The following PPEF1 variants were observed in gnomAD, a reference collection of about 807,000 sequenced individuals.
The protein encoded by PPEF1 is serine/threonine-protein phosphatase with EF-hands 1.
A neutral mutation model predicts 53.3 loss-of-function variants in PPEF1; 12 were observed. The observed-to-expected ratio is 0.23, with a 90% CI of 0.14 to 0.36. The LOEUF (loss-of-function observed/expected upper bound fraction) is 0.36, where lower values mean the gene tolerates loss of function less well. PPEF1 is among the 10% of genes least tolerant of loss of function. The pLI is 1.00. For synonymous variants in PPEF1, 165 were observed against 176.7 expected (o/e 0.93, Z 0.52); for missense variants, 334 against 490.4 (o/e 0.68, Z 3.01).
At chrX:18,712,679 G>A (rs996387749) in intron 1 of PPEF1, among the ~76,000 whole-genome samples, 1 of 111,861 alleles carries the variant, frequency 8.9e-6, no homozygotes, top group Non-Finnish European at 1.9e-5. Flanking sequence ...AGCCATCCTT[G>A]TCTTGTTCCT....
chrX:18,773,334 T>TTAATCTTAAACTC (rs2045904072), intron 6 of PPEF1, among the ~76,000 whole-genome samples: 1 of 112,191 alleles, frequency 8.9e-6, no homozygotes, highest in Admixed American at 9.5e-5. Context: ...GTTTAGTACT[T>TTAATCTTAAACTC]TAATCTTAAA....
At chrX:18,788,065 C>T (rs1049890738) in intron 9 of PPEF1, among the ~76,000 whole-genome samples, 3 of 111,654 alleles carry the variant, frequency 2.7e-5, no homozygotes, top group Non-Finnish European at 5.7e-5. Context: ...GCCTGTAATC[C>T]GAGCACTTTG....
At chrX:18,824,549 T>A (rs1383221136) in intron 14 of PPEF1, among the ~76,000 whole-genome samples, 1 of 111,741 alleles carries the variant, frequency 8.9e-6, no homozygotes, top group Non-Finnish European at 1.9e-5. Flanking sequence ...CAAATTTGTG[T>A]GTTCCCAGGA....
chrX:18,727,240 C>T (rs1467119639), intron 1 of PPEF1, among the ~76,000 whole-genome samples: 3 of 111,145 alleles, frequency 2.7e-5, no homozygotes, highest in Non-Finnish European at 5.7e-5. Flanking sequence ...ATGCATGGTC[C>T]TTTGTAAGTG....
At chrX:18,806,878 G>A in intron 12 of PPEF1, among the ~76,000 whole-genome samples, 1 of 112,041 alleles carries the variant, frequency 8.9e-6, no homozygotes, top group East Asian at 2.8e-4. Flanking sequence ...ATCTGGTCTT[G>A]CCCCTTTCTC....
intron 10 of PPEF1, among the ~76,000 whole-genome samples, chrX:18,793,174 A>G (rs1393725708): frequency 9.2e-6 from 1 of 109,202 alleles, no homozygotes; most frequent in Non-Finnish European, 1.9e-5. Flanking sequence ...CCCTTTAAGT[A>G]CTGCTTTAGC....
intron 3 of PPEF1, among the ~76,000 whole-genome samples, chrX:18,746,853 A>G (rs1019508501): frequency 1.1e-4 from 12 of 112,163 alleles, no homozygotes; most frequent in African/African-American, 3.9e-4. Flanking sequence ...CATCTCTGCT[A>G]CTTACATGCT....
At chrX:18,726,048 T>C (rs957636185) in intron 1 of PPEF1, among the ~76,000 whole-genome samples, 2 of 110,832 alleles carry the variant, frequency 1.8e-5, no homozygotes, top group Non-Finnish European at 3.8e-5. Flanking sequence ...GCCAGCCACT[T>C]AGTAGGCATT....
chrX:18,704,692 A>G, upstream of PPEF1, among the ~76,000 whole-genome samples: 1 of 112,129 alleles, frequency 8.9e-6, no homozygotes, highest in African/African-American at 3.2e-5. Context: ...GGTTTTCTAA[A>G]ATACCGTCTC....
chrX:18,773,163 C>T (rs2045901223), intron 6 of PPEF1, among the ~76,000 whole-genome samples: 1 of 112,353 alleles, frequency 8.9e-6, no homozygotes, highest in African/African-American at 3.2e-5. Context: ...AGCAGTAATT[C>T]AATCTGAATA....
At chrX:18,743,500 A>G (rs1188530168) in intron 3 of PPEF1, among the ~76,000 whole-genome samples, 3 of 83,870 alleles carry the variant, frequency 3.6e-5, no homozygotes, top group Non-Finnish European at 6.4e-5. Context: ...CCCAGGCTGG[A>G]GTGCAGTAGC....
chrX:18,808,699 A>G (rs1487592420), intron 12 of PPEF1, among the ~76,000 whole-genome samples: 1 of 111,580 alleles, frequency 9.0e-6, no homozygotes, highest in Non-Finnish European at 1.9e-5. Context: ...CACAGCCACA[A>G]TGAGATAGAT....
intron 11 of PPEF1, among the ~76,000 whole-genome samples, chrX:18,805,299 T>C (rs2046636889): frequency 9.0e-6 from 1 of 111,626 alleles, no homozygotes; most frequent in Non-Finnish European, 1.9e-5. Flanking sequence ...TGCACCTTTT[T>C]CTATAGTGAA....
At chrX:18,815,993 C>G (rs2046904046) in intron 12 of PPEF1, among the ~76,000 whole-genome samples, 2 of 109,349 alleles carry the variant, frequency 1.8e-5, no homozygotes, top group African/African-American at 6.6e-5. Flanking sequence ...CTCTGCCTCC[C>G]AGGTTCAAGT....
chrX:18,686,875 G>A (rs1929101322), intron 3 of PPEF1, among the ~76,000 whole-genome samples: 1 of 75,806 alleles, frequency 1.3e-5, no homozygotes, highest in Non-Finnish European at 2.7e-5. Context: ...AACACAGAGC[G>A]CTTGGTTTTC....
upstream of PPEF1, among the ~76,000 whole-genome samples, chrX:18,703,921 CTTTT>C (rs144154361): frequency 1.8e-4 from 16 of 88,397 alleles, no homozygotes; most frequent in Non-Finnish European, 1.8e-4. Context: ...AAAAACATAC[CTTTT>C]TTTTTTTTTT....
chrX:18,824,501 C>T (rs1207020469), intron 14 of PPEF1, among the ~76,000 whole-genome samples: 2 of 110,964 alleles, frequency 1.8e-5, no homozygotes, highest in African/African-American at 3.3e-5. Flanking sequence ...TAGGAAAAGC[C>T]GAAGGGGAAT....
At chrX:18,708,356 A>G (rs1027596413) in intron 1 of PPEF1, among the ~76,000 whole-genome samples, 1 of 112,106 alleles carries the variant, frequency 8.9e-6, no homozygotes, top group Admixed American at 9.5e-5. Flanking sequence ...TTCTAAATAG[A>G]TGGCATGCCT....
rs763752618 is a variant in PPEF1 at position 18,823,936 on chromosome X, G to A, written c.1515G>A (p.Val505=). 4.1e-6 allele frequency: 5 copies of A among 1,205,822 alleles called. No homozygotes were observed. In the Admixed American group the frequency reaches 1.1e-4, roughly 27 times the overall value. ...QDHRKSGKLS[V]SQWAFCMENI... ...TGTTGTTGTTAGGAAAACTTTCTGT[G>A]AGCCAGTGGGCTTTTTGCATGGAGA... is the stretch of plus-strand genomic sequence containing the variant. Residue 505 remains valine (V), a synonymous_variant, in exon 14 of 16, where the codon GTG becomes GTA. Transcript: ENST00000470157.
Sources: gnomAD v4.1 joint callset for allele counts (sites outside exome capture counted in the v4.1 genomes callset) on GRCh38, gnomAD v4.1.1 for gene constraint, MANE v1.5 for transcripts, NCBI Gene and HGNC (gene_info 2026-07-23, HGNC 2026-07-21) for gene names.